Variants in GAP43 observed in about 807,000 individuals in gnomAD.
GAP43 encodes the protein growth associated protein 43, also known as neuromodulin.
In GAP43, 6 loss-of-function variants were observed where a neutral mutation model predicts 18.6. The ratio of observed to expected loss-of-function variants is 0.32; its 90% CI spans 0.18 to 0.64. The LOEUF (loss-of-function observed/expected upper bound fraction) is 0.64. GAP43 is among the 30% of genes least tolerant of loss of function. The pLI is 0.78. For synonymous variants in GAP43, 115 were observed against 111.4 expected (o/e 1.03, Z -0.20); for missense variants, 292 against 295.5 (o/e 0.99, Z 0.09).
intron 1 of GAP43, among the ~76,000 whole-genome samples, chr3:115,668,734 GT>G (rs1231038768): frequency 6.6e-6 from 1 of 151,894 alleles, no homozygotes; most frequent in Admixed American, 6.6e-5. Flanking sequence ...ACTTTCACCA[GT>G]TTTGCTAGTG....
intron 2 of GAP43, among the ~76,000 whole-genome samples, chr3:115,711,165 T>C (rs1709431825): frequency 6.6e-6 from 1 of 152,222 alleles, no homozygotes; most frequent in African/African-American, 2.4e-5. Flanking sequence ...CTCCAAGCTT[T>C]AGATTTCTGT....
chr3:115,648,516 G>T (rs1268132135), intron 1 of GAP43, among the ~76,000 whole-genome samples: 1 of 152,096 alleles, frequency 6.6e-6, no homozygotes, highest in East Asian at 1.9e-4. Flanking sequence ...TGGGCTATTG[G>T]CAGAACTGAT....
intron 1 of GAP43, among the ~76,000 whole-genome samples, chr3:115,646,514 C>A (rs1708459241): frequency 6.6e-6 from 1 of 151,846 alleles, no homozygotes; most frequent in Non-Finnish European, 1.5e-5. Context: ...GCCTAATAGG[C>A]AATATTGCCT....
intron 1 of GAP43, among the ~76,000 whole-genome samples, chr3:115,662,079 G>A (rs1043732899): frequency 6.6e-6 from 1 of 152,086 alleles, no homozygotes; most frequent in Admixed American, 6.5e-5. Context: ...GTTGCACAGA[G>A]TGGAAGACAG....
Position 115,710,262 on chromosome 3 carries a change from T to C in GAP43, c.629-10532T>C, listed in dbSNP as rs567510891. ...GAAAAATTATTCACCTACTCTTTTT[T>C]TTTTTGTCTGTAGATATCATAGGCT... On this transcript the variant is annotated intron_variant, in intron 2 of 2. Coordinates refer to ENST00000305124, the MANE Select transcript of GAP43 (RefSeq NM_002045.4). Among the ~76,000 whole-genome samples the C allele has an allele frequency of 9.9e-4, 151 of 152,260 alleles. 1 individual carries two copies. Among genetic ancestry groups the C allele is most frequent in the African/African-American group, 3.3e-3 (136 of 41,566 alleles).
chr3:115,654,661 G>A (rs1708559046), intron 1 of GAP43, among the ~76,000 whole-genome samples: 1 of 152,172 alleles, frequency 6.6e-6, no homozygotes. Flanking sequence ...CAAATTGCTT[G>A]AGAAAGAAAC....
chr3:115,716,572 TTGG>T (rs1402195105), intron 2 of GAP43, among the ~76,000 whole-genome samples: 1 of 151,634 alleles, frequency 6.6e-6, no homozygotes, highest in Non-Finnish European at 1.5e-5. Context: ...CCATAATTTC[TTGG>T]TGGCCTATAA....
At chr3:115,646,790 AC>A (rs1708462429) in intron 1 of GAP43, among the ~76,000 whole-genome samples, 1 of 152,056 alleles carries the variant, frequency 6.6e-6, no homozygotes, top group African/African-American at 2.4e-5. Context: ...GCGATTTGGT[AC>A]CATATTGCAA....
At chr3:115,709,710 GC>G (rs1363000857) in intron 2 of GAP43, among the ~76,000 whole-genome samples, 2 of 151,952 alleles carry the variant, frequency 1.3e-5, no homozygotes, top group Admixed American at 1.3e-4. Flanking sequence ...TGACTAAGTA[GC>G]TTTTTAAAAT....
intron 2 of GAP43, among the ~76,000 whole-genome samples, chr3:115,693,665 A>G (rs1023649027): frequency 6.6e-6 from 1 of 152,026 alleles, no homozygotes. Context: ...GAGGTGAAAA[A>G]ACATTCAGTT....
intron 2 of GAP43, among the ~76,000 whole-genome samples, chr3:115,719,834 C>T (rs1199524615): frequency 6.6e-6 from 1 of 152,168 alleles, no homozygotes; most frequent in African/African-American, 2.4e-5. Flanking sequence ...GATTGTTTGG[C>T]AACACAAGTT....
chr3:115,676,400 A>G lies in GAP43; in HGVS notation c.418A>G (p.Thr140Ala). The G allele has an allele frequency of 6.2e-7, 1 of 1,613,936 alleles. No individual in the cohort carries two copies. Among genetic ancestry groups the G allele is most frequent in the Non-Finnish European group, 8.5e-7 (1 of 1,179,866 alleles). The change falls in exon 2 of 3, where the codon ACA becomes GCA. Residue 140 changes from threonine to alanine, a missense_variant. Coordinates refer to ENST00000305124, the MANE Select transcript of GAP43 (RefSeq NM_002045.4). Reference sequence around the variant, plus strand: ...AGAGGAGAAGGCCGGCTCAGCTGAGACAGAAAGTGCCACTAAAGCTTCCAC... The same window carrying G: ...AGAGGAGAAGGCCGGCTCAGCTGAGGCAGAAAGTGCCACTAAAGCTTCCAC... The part of the protein sequence containing the change: ...SSEEKAGSAE[T>A]ESATKASTDN...
intron 1 of GAP43, among the ~76,000 whole-genome samples, chr3:115,657,685 GC>G (rs1322687761): frequency 1.3e-5 from 2 of 152,020 alleles, no homozygotes; most frequent in African/African-American, 2.4e-5. Flanking sequence ...GCCTCAAGGA[GC>G]CCCAGGCAAA....
At chr3:115,670,446 C>T (rs1235088630) in intron 1 of GAP43, among the ~76,000 whole-genome samples, 1 of 152,178 alleles carries the variant, frequency 6.6e-6, no homozygotes, top group Non-Finnish European at 1.5e-5. Context: ...TACACCTGCA[C>T]CGAAACCGGC....
intron 1 of GAP43, among the ~76,000 whole-genome samples, chr3:115,668,638 G>C (rs955496617): frequency 6.6e-5 from 10 of 152,026 alleles, no homozygotes; most frequent in African/African-American, 1.9e-4. Context: ...TGGTCAGGCT[G>C]GTCTCAAACT....
At chr3:115,626,307 AG>A (rs1041798447) in intron 1 of GAP43, among the ~76,000 whole-genome samples, 37 of 152,160 alleles carry the variant, frequency 2.4e-4, no homozygotes, top group African/African-American at 8.7e-4. Context: ...GAAACGTGGG[AG>A]GGGGGCTGAA....
intron 2 of GAP43, among the ~76,000 whole-genome samples, chr3:115,677,748 G>A (rs1708911870): frequency 6.6e-6 from 1 of 152,170 alleles, no homozygotes; most frequent in African/African-American, 2.4e-5. Context: ...CTGAACCACC[G>A]TGTGCTCCTT....
intron 1 of GAP43, among the ~76,000 whole-genome samples, chr3:115,629,862 A>T (rs192926532): frequency 1.1e-3 from 173 of 152,246 alleles, no homozygotes; most frequent in African/African-American, 3.5e-3. Flanking sequence ...GGAGATTTTT[A>T]AAAAAATGTC....
chr3:115,699,348 C>T (rs1169887004), intron 2 of GAP43, among the ~76,000 whole-genome samples: 3 of 152,132 alleles, frequency 2.0e-5, no homozygotes, highest in African/African-American at 4.8e-5. Context: ...TCTGTGCCAT[C>T]GTTCCCAACC....
Sources: gnomAD v4.1 joint callset for allele counts (sites outside exome capture counted in the v4.1 genomes callset) on GRCh38, gnomAD v4.1.1 for gene constraint, MANE v1.5 for transcripts, NCBI Gene and HGNC (gene_info 2026-07-23, HGNC 2026-07-21) for gene names.